ZNF254: variants seen among roughly 807,000 people sequenced by gnomAD.
ZNF254 encodes the protein CTD-2017D11.1.
ZNF254 carries 10 observed loss-of-function variants against 12.4 expected under a neutral mutation model. The observed-to-expected ratio is 0.80, with a 90% CI of 0.50 to 1.36. The LOEUF (loss-of-function observed/expected upper bound fraction) is 1.36. Among genes scored for constraint, ZNF254 ranks in the 40% most tolerant of loss-of-function variants. ZNF254 has a pLI of 0.00. For missense variants in ZNF254, 996 were observed against 763.9 expected (o/e 1.30, Z -3.58); for synonymous variants, 305 against 253.4 (o/e 1.20, Z -1.93).
At chr19:24,044,113 G>A (rs941453709) in intron 1 of ZNF254, among the ~76,000 whole-genome samples, 5 of 151,828 alleles carry the variant, frequency 3.3e-5, no homozygotes, top group African/African-American at 4.8e-5. Context: ...GCTGGCAGGC[G>A]CCTGTAATCC....
chr19:24,051,738 C>T (rs997066699), intron 2 of ZNF254, among the ~76,000 whole-genome samples: 1 of 148,774 alleles, frequency 6.7e-6, no homozygotes, highest in Admixed American at 6.7e-5. Context: ...CTGTTAATCA[C>T]CTAGGTGATG....
chr19:24,035,884 A>G (rs1969947365), intron 1 of ZNF254, among the ~76,000 whole-genome samples: 1 of 152,162 alleles, frequency 6.6e-6, no homozygotes, highest in African/African-American at 2.4e-5. Flanking sequence ...TCTTTGCAAT[A>G]AGATGCTCTT....
At chr19:24,114,007 A>G (rs1360068864) in intron 3 of ZNF254, among the ~76,000 whole-genome samples, 1 of 151,944 alleles carries the variant, frequency 6.6e-6, no homozygotes, top group Non-Finnish European at 1.5e-5. Flanking sequence ...ACTACAAACC[A>G]CTGCTCAATG....
chr19:24,101,718 C>T (rs148808562), intron 1 of ZNF254, among the ~76,000 whole-genome samples: 9 of 152,334 alleles, frequency 5.9e-5, no homozygotes, highest in Admixed American at 2.6e-4. Flanking sequence ...GTCTCTCCTG[C>T]TGGCTTGCTA....
intron 2 of ZNF254, among the ~76,000 whole-genome samples, chr19:24,074,064 C>A (rs1481701770): frequency 6.6e-6 from 1 of 152,152 alleles, no homozygotes; most frequent in Admixed American, 6.5e-5. Context: ...GGCTGAGCCC[C>A]ACACCTTGGT....
chr19:24,061,370 A>G (rs866890600), intron 2 of ZNF254, among the ~76,000 whole-genome samples: 37 of 152,344 alleles, frequency 2.4e-4, no homozygotes, highest in African/African-American at 8.2e-4. Context: ...CACTGGGCCA[A>G]ACACCTCAGC....
chr19:24,060,523 C>G (rs1226428003), intron 2 of ZNF254, among the ~76,000 whole-genome samples: 1 of 152,180 alleles, frequency 6.6e-6, no homozygotes, highest in African/African-American at 2.4e-5. Context: ...TGATGTGACT[C>G]TACTTTCTTA....
chr19:24,120,476 ATTG>A (rs1282855267), intron 3 of ZNF254, among the ~76,000 whole-genome samples: 8 of 152,012 alleles, frequency 5.3e-5, no homozygotes, highest in South Asian at 4.1e-4. Flanking sequence ...GCAGATTTTT[ATTG>A]TTTTAAATAT....
At chr19:24,118,194 C>G (rs540720632) in intron 3 of ZNF254, among the ~76,000 whole-genome samples, 102 of 151,952 alleles carry the variant, frequency 6.7e-4, no homozygotes, top group Admixed American at 1.6e-3. Flanking sequence ...ACTGGGATTA[C>G]AGGCACGTGC....
intron 1 of ZNF254, 69 bp from the exon 2 acceptor site, chr19:24,105,871 C>T (rs1182944283): frequency 6.5e-7 from 1 of 1,540,784 alleles, no homozygotes; most frequent in African/African-American, 1.4e-5. Context: ...TCTAATTTTA[C>T]CTTGAGTCAA....
At chr19:24,041,372 C>T (rs930711300) in intron 1 of ZNF254, among the ~76,000 whole-genome samples, 2 of 152,210 alleles carry the variant, frequency 1.3e-5, no homozygotes, top group African/African-American at 2.4e-5. Flanking sequence ...GCTGGAGTTC[C>T]GGGTGGGCGT....
At chr19:24,068,155 C>T (rs1971346933) in intron 2 of ZNF254, among the ~76,000 whole-genome samples, 1 of 152,206 alleles carries the variant, frequency 6.6e-6, no homozygotes, top group Admixed American at 6.5e-5. Context: ...CCTACATGCA[C>T]CATGCACAAA....
At position 24,116,249 on chromosome 19, in the gene ZNF254, C is replaced by T. The variant is rs558088375; in HGVS notation, c.253+9606C>T. ...TGAATCTGAATGTTGGCCTGCCTTGCTAGATTAGGGAAGTTCTCCTGGATA... is the reference window on the plus strand; with the variant it reads ...TGAATCTGAATGTTGGCCTGCCTTGTTAGATTAGGGAAGTTCTCCTGGATA... On this transcript the variant is annotated intron_variant, in intron 3 of 3. Coordinates refer to ENST00000357002, the MANE Select transcript of ZNF254 (RefSeq NM_203282.4). Among the ~76,000 whole-genome samples the T allele has an allele frequency of 3.9e-5, 6 of 152,190 alleles. No individual in the cohort carries two copies. The South Asian group carries it at 1.2e-3, about 32-fold the overall frequency.
Position 24,123,533 on chromosome 19 carries a change from A to G in ZNF254, c.254-2721A>G, listed in dbSNP as rs527327804. On this transcript the variant is annotated intron_variant, in intron 3 of 3. Transcript: ENST00000357002. Reference sequence around the variant, plus strand: ...TCTTGCTATAATTGTATTGCTTTGTATGTGTTTCTTCCATTCTGTCAATAT... The same window carrying G: ...TCTTGCTATAATTGTATTGCTTTGTGTGTGTTTCTTCCATTCTGTCAATAT... Among the ~76,000 whole-genome samples, 4 of 152,164 alleles carry G rather than the reference A, an allele frequency of 2.6e-5. No individual in the cohort carries two copies. In the South Asian group the frequency reaches 8.3e-4, roughly 32 times the overall value.
At chr19:24,044,218 G>A (rs1191426716) in intron 1 of ZNF254, among the ~76,000 whole-genome samples, 2 of 138,452 alleles carry the variant, frequency 1.4e-5, no homozygotes, top group Non-Finnish European at 3.0e-5. Context: ...CCATCCTGGC[G>A]ACAGAGCAAG....
chr19:24,125,535 C>T (rs970904299), intron 3 of ZNF254, among the ~76,000 whole-genome samples: 1 of 151,868 alleles, frequency 6.6e-6, no homozygotes, highest in Non-Finnish European at 1.5e-5. Flanking sequence ...TTGTCAAAAT[C>T]TTATAATGTA....
chr19:24,081,361 C>T (rs1453253278), intron 2 of ZNF254, among the ~76,000 whole-genome samples: 7 of 152,148 alleles, frequency 4.6e-5, no homozygotes, highest in Non-Finnish European at 8.8e-5. Context: ...TTTAAGCCCA[C>T]ACCAAGTATG....
At chr19:24,070,018 T>A (rs1971425159) in intron 2 of ZNF254, among the ~76,000 whole-genome samples, 1 of 152,214 alleles carries the variant, frequency 6.6e-6, no homozygotes, top group Admixed American at 6.5e-5. Context: ...CATATGCAGA[T>A]GCAGTCCACA....
intron 3 of ZNF254, among the ~76,000 whole-genome samples, chr19:24,123,331 G>A (rs1974613875): frequency 6.6e-6 from 1 of 152,040 alleles, no homozygotes; most frequent in Non-Finnish European, 1.5e-5. Flanking sequence ...CTTAAGATGT[G>A]GTTTATCAAG....
Sources: gnomAD v4.1 joint callset for allele counts (sites outside exome capture counted in the v4.1 genomes callset) on GRCh38, gnomAD v4.1.1 for gene constraint, MANE v1.5 for transcripts, NCBI Gene and HGNC (gene_info 2026-07-23, HGNC 2026-07-21) for gene names.